PM20D2: variants seen among roughly 807,000 people sequenced by gnomAD.
The protein encoded by PM20D2 is peptidase M20 domain containing 2, also known as xaa-Arg dipeptidase.
A neutral mutation model predicts 42.9 loss-of-function variants in PM20D2; 33 were observed. The observed-to-expected ratio is 0.77, with a 90% CI of 0.58 to 1.03. PM20D2 has a LOEUF of 1.03. Ranked by LOEUF, PM20D2 falls within the 50% of genes least tolerant of loss-of-function variation. PM20D2 has a pLI of 0.00. For synonymous variants in PM20D2, 250 were observed against 228.2 expected, an observed-to-expected ratio of 1.10 and a Z score of -0.86; for missense variants, 548 against 557.0, an observed-to-expected ratio of 0.98 and a Z score of 0.16.
chr6:89,137,534 T>G, the PM20D2 span, among the ~76,000 whole-genome samples: 2 of 152,188 alleles, frequency 1.3e-5, no homozygotes, highest in Non-Finnish European at 2.9e-5. Flanking sequence ...TGCATGAAAA[T>G]TATTTAGCCA....
At chr6:89,156,249 T>G (rs566519608) in intron 4 of PM20D2, among the ~76,000 whole-genome samples, 15 of 152,184 alleles carry the variant, frequency 9.9e-5, no homozygotes, top group Non-Finnish European at 2.2e-4. Flanking sequence ...GGAGTGAGTT[T>G]TAGAATTATA....
chr6:89,104,144 C>T, the PM20D2 span, among the ~76,000 whole-genome samples: 9,302 of 149,670 alleles, frequency 0.062, 839 homozygotes, highest in African/African-American at 0.2. Context: ...ATTTCTTACA[C>T]ATTTAAACAT....
Position 89,164,798 on chromosome 6 carries a change from C to T in PM20D2, c.*2535C>T, listed in dbSNP as rs1049846966. 2 of 151,452 alleles carry T rather than the reference C, an allele frequency of 1.3e-5. No homozygotes were observed. Among genetic ancestry groups the T allele is most frequent in the African/African-American group, 4.9e-5 (2 of 41,138 alleles). The allele number at this position is 151,452 out of a possible 1,614,324, so 9.4% of individuals were successfully genotyped here. On this transcript the variant is annotated 3_prime_UTR_variant, in exon 7 of 7. Transcript: ENST00000275072. ...ATTATGTGTATTTTCTTCTCTTTTACATAAATTGTTTGTGAAAAGTGTGCT... is the reference window on the plus strand; with the variant it reads ...ATTATGTGTATTTTCTTCTCTTTTATATAAATTGTTTGTGAAAAGTGTGCT...
chr6:89,115,315 T>A, the PM20D2 span, among the ~76,000 whole-genome samples: 1 of 150,220 alleles, frequency 6.7e-6, no homozygotes, highest in African/African-American at 2.4e-5. Context: ...AGAGTCTCAC[T>A]CTGTCGCCCA....
At chr6:89,115,352 G>A in the PM20D2 span, among the ~76,000 whole-genome samples, 2 of 152,012 alleles carry the variant, frequency 1.3e-5, no homozygotes, top group African/African-American at 4.8e-5. Context: ...CCTGATCTCG[G>A]CTCACTGCCA....
chr6:89,138,290 G>T, the PM20D2 span, among the ~76,000 whole-genome samples: 1 of 152,050 alleles, frequency 6.6e-6, no homozygotes, highest in Non-Finnish European at 1.5e-5. Flanking sequence ...CCTCTGCATG[G>T]TCAAGTGTTC....
the PM20D2 span, chr6:89,104,971 G>T: frequency 1.6e-6 from 1 of 643,996 alleles, no homozygotes; most frequent in Non-Finnish European, 2.3e-6. Context: ...TGAGAAAATT[G>T]CTTGAGTCTA....
At chr6:89,116,177 A>G in the PM20D2 span, among the ~76,000 whole-genome samples, 1 of 152,168 alleles carries the variant, frequency 6.6e-6, no homozygotes, top group South Asian at 2.1e-4. Flanking sequence ...ACTGTGCCTT[A>G]TAGGCTGGCA....
the PM20D2 span, among the ~76,000 whole-genome samples, chr6:89,123,706 A>ACT: frequency 7.5e-6 from 1 of 133,848 alleles, no homozygotes; most frequent in Non-Finnish European, 1.6e-5. Flanking sequence ...TAGGCAACAG[A>ACT]GTGAGACTGT....
the PM20D2 span, among the ~76,000 whole-genome samples, chr6:89,138,639 C>T: frequency 6.6e-6 from 1 of 152,220 alleles, no homozygotes; most frequent in Admixed American, 6.5e-5. Context: ...CAAAGGCGGG[C>T]AGATCACTTG....
In PM20D2 at chr6:89,164,196, A is replaced by G. The variant is rs1483379744; in HGVS notation, c.*1933A>G. On this transcript the variant is annotated 3_prime_UTR_variant, in exon 7 of 7. Coordinates refer to ENST00000275072, the MANE Select transcript of PM20D2 (RefSeq NM_001010853.3). Reference sequence around the variant, plus strand: ...GGATAAACTAGAATATTTTATGTTTATGAATACTTGTATAAACTTAAAAGT... The same window carrying G: ...GGATAAACTAGAATATTTTATGTTTGTGAATACTTGTATAAACTTAAAAGT... 1.3e-5 allele frequency: 2 copies of G among 152,236 alleles called. No individual in the cohort carries two copies. The highest frequency in any genetic ancestry group is 2.1e-4 in the South Asian group (1 of 4,834). 9.4% of individuals were successfully genotyped at this position (152,236 alleles called of 1,614,324 possible). A position where few individuals can be genotyped will look rare whatever the true frequency, so the allele number is the denominator to read the frequency against.
chr6:89,120,404 AT>A, the PM20D2 span, among the ~76,000 whole-genome samples: 1 of 152,166 alleles, frequency 6.6e-6, no homozygotes, highest in Non-Finnish European at 1.5e-5. Flanking sequence ...TTGGACATGT[AT>A]TTTTGGGGGC....
the PM20D2 span, among the ~76,000 whole-genome samples, chr6:89,099,760 C>T: frequency 6.6e-6 from 1 of 152,098 alleles, no homozygotes; most frequent in South Asian, 2.1e-4. Context: ...GTCTCAATCT[C>T]CCGACCTCAG....
At chr6:89,142,804 C>T (rs1251565028), upstream of PM20D2, among the ~76,000 whole-genome samples, 23 of 152,232 alleles carry the variant, frequency 1.5e-4, no homozygotes, top group Middle Eastern at 3.4e-3. Flanking sequence ...ACTACAGGTG[C>T]GTGCCACCAC....
intron 1 of PM20D2, 74 bp downstream of exon 1, chr6:89,146,683 C>A (rs776903360): frequency 1.2e-5 from 15 of 1,224,586 alleles, no homozygotes; most frequent in Admixed American, 7.9e-5. Flanking sequence ...GCGGGACTCT[C>A]GTGCGTCCCG....
chr6:89,107,058 G>T, the PM20D2 span: 1 of 1,169,196 alleles, frequency 8.6e-7, no homozygotes, highest in Non-Finnish European at 1.3e-6. Context: ...CATTTAATTA[G>T]GCAATATTAA....
chr6:89,157,809 A>G (rs1376171747), intron 4 of PM20D2, among the ~76,000 whole-genome samples: 1 of 151,912 alleles, frequency 6.6e-6, no homozygotes, highest in Non-Finnish European at 1.5e-5. Flanking sequence ...GTTTGAGGCC[A>G]GCCTGGCCAA....
At chr6:89,117,835 G>A in the PM20D2 span, 2 of 1,558,450 alleles carry the variant, frequency 1.3e-6, no homozygotes, top group African/African-American at 1.4e-5. Flanking sequence ...GGTGGCGTCC[G>A]CGACGTTCCT....
At chr6:89,157,939 G>A (rs966903132) in intron 4 of PM20D2, among the ~76,000 whole-genome samples, 3 of 152,148 alleles carry the variant, frequency 2.0e-5, no homozygotes, top group Non-Finnish European at 2.9e-5. Context: ...CCTGGGAGGC[G>A]GAGGTTGTGG....
Sources: allele counts gnomAD v4.1 joint callset (sites outside exome capture counted in the v4.1 genomes callset), GRCh38; gene constraint gnomAD v4.1.1; transcripts MANE v1.5; gene names NCBI Gene and HGNC (gene_info 2026-07-23, HGNC 2026-07-21).